EPHA3: variants seen among roughly 807,000 people sequenced by gnomAD.
EPHA3 encodes ephrin type-A receptor 3.
In EPHA3, 42 loss-of-function variants were observed where a neutral mutation model predicts 107.1. The ratio of observed to expected loss-of-function variants is 0.39; its 90% CI spans 0.31 to 0.51. The LOEUF is 0.51. Among genes scored for constraint, EPHA3 ranks in the 20% least tolerant of loss-of-function variants. The probability of loss-of-function intolerance (pLI) is 0.78; values close to 1 mark genes in which losing one functional copy is unlikely to be tolerated. For missense variants in EPHA3, 1,183 were observed against 1,211.2 expected (o/e 0.98, Z 0.35); for synonymous variants, 461 against 424.8 (o/e 1.09, Z -1.05).
Position 89,209,969 on chromosome 3 carries a change from C to T in EPHA3, c.263C>T (p.Pro88Leu), listed in dbSNP as rs1244334822. Reference protein sequence around the residue: ...QNNWLRTNWVPRNSAQKIYVE... With the variant: ...QNNWLRTNWVLRNSAQKIYVE... ...AATTGGCTGAGAACAAACTGGGTCC[C>T]CAGGAACTCAGCTCAGAAGATTTAT... Residue 88 changes from proline (P) to leucine (L), a missense_variant, in exon 3 of 17, where the codon CCC (proline) becomes CTC (leucine). Physicochemically the swap from Pro to Leu is moderately conservative, Grantham distance 98. Transcript: ENST00000336596. The T allele has an allele frequency of 2.5e-6, 4 of 1,613,888 alleles. No homozygotes were observed. The highest frequency in any genetic ancestry group is 3.4e-6 in the Non-Finnish European group (4 of 1,179,916).
chr3:89,380,818 G>A (rs1163790122), intron 5 of EPHA3, among the ~76,000 whole-genome samples: 1 of 151,394 alleles, frequency 6.6e-6, no homozygotes, highest in Non-Finnish European at 1.5e-5. Flanking sequence ...GCCCAAGCTG[G>A]GGGGCAGTGG....
intron 3 of EPHA3, among the ~76,000 whole-genome samples, chr3:89,225,074 T>C (rs973714151): frequency 5.9e-5 from 9 of 152,114 alleles, no homozygotes; most frequent in Non-Finnish European, 8.8e-5. Flanking sequence ...TTGGAAATTA[T>C]CAAGTTATTT....
At chr3:89,281,436 C>T (rs1281799218) in intron 3 of EPHA3, among the ~76,000 whole-genome samples, 1 of 152,078 alleles carries the variant, frequency 6.6e-6, no homozygotes, top group Non-Finnish European at 1.5e-5. Context: ...GAATGCAGCT[C>T]CCTTTGAAAT....
rs532910912 is a variant in EPHA3, at chr3:89,131,654, A to C, written c.153+4381A>C. ...CTTAATTAAAGAAACTCCAATAAGA[A>C]GAGAGTGAGGACTGGCAGGGTTCAG... On this transcript the variant is annotated intron_variant, in intron 2 of 16. Coordinates refer to ENST00000336596, the MANE Select transcript of EPHA3 (RefSeq NM_005233.6). 3.3e-5 allele frequency among the ~76,000 whole-genome samples: 5 copies of C among 152,348 alleles called. No individual in the cohort carries two copies. The South Asian group carries it at 1.0e-3, about 32-fold the overall frequency.
intron 2 of EPHA3, among the ~76,000 whole-genome samples, chr3:89,187,636 G>A (rs1705601316): frequency 1.3e-5 from 2 of 151,942 alleles, no homozygotes; most frequent in Admixed American, 1.3e-4. Flanking sequence ...TGTTTTAAAA[G>A]ACTATATGTT....
intron 3 of EPHA3, among the ~76,000 whole-genome samples, chr3:89,220,225 G>T (rs1018456530): frequency 5.9e-5 from 9 of 152,130 alleles, no homozygotes; most frequent in African/African-American, 1.2e-4. Flanking sequence ...AAGGCTAAAG[G>T]TTCGAATTAT....
At chr3:89,407,996 A>G (rs773511309) in intron 8 of EPHA3, 71 bp from the exon 9 acceptor site, 6 of 1,374,720 alleles carry the variant, frequency 4.4e-6, no homozygotes, top group Non-Finnish European at 6.1e-6. Flanking sequence ...TATGCTTTGC[A>G]CATTCTGAGC....
intron 1 of EPHA3, among the ~76,000 whole-genome samples, chr3:89,121,849 T>C (rs1179347804): frequency 6.6e-6 from 1 of 152,034 alleles, no homozygotes; most frequent in Non-Finnish European, 1.5e-5. Flanking sequence ...ACAAGCATGG[T>C]AGATAAAAGT....
At chr3:89,191,359 T>A (rs1705712680) in intron 2 of EPHA3, among the ~76,000 whole-genome samples, 1 of 152,024 alleles carries the variant, frequency 6.6e-6, no homozygotes, top group African/African-American at 2.4e-5. Flanking sequence ...CAGGCTGGAG[T>A]GCTGTGGCAC....
chr3:89,215,875 C>T lies in EPHA3; in HGVS notation c.814+5355C>T, dbSNP rs544700951. Among the ~76,000 whole-genome samples, 58 of 151,956 alleles carry T rather than the reference C, an allele frequency of 3.8e-4. No homozygotes were observed. The South Asian group carries it at 0.011, about 29-fold the overall frequency. On this transcript the variant is annotated intron_variant, in intron 3 of 16. Coordinates refer to ENST00000336596, the MANE Select transcript of EPHA3 (RefSeq NM_005233.6). ...GGCATTTCACTCTACTTAATCCCAA[C>T]CTAAAAGATGATTTTATAGGTCATT...
At chr3:89,263,426 G>C (rs972915434) in intron 3 of EPHA3, among the ~76,000 whole-genome samples, 2 of 152,152 alleles carry the variant, frequency 1.3e-5, no homozygotes, top group African/African-American at 4.8e-5. Flanking sequence ...CCAAGCTCTT[G>C]TACAGCATCC....
intron 3 of EPHA3, among the ~76,000 whole-genome samples, chr3:89,223,737 C>T (rs182537640): frequency 2.6e-5 from 4 of 151,950 alleles, no homozygotes; most frequent in African/African-American, 9.7e-5. Flanking sequence ...ATTATAATAC[C>T]TTATATGTGT....
chr3:89,408,101 G>GA lies in EPHA3; in HGVS notation c.1738dup (p.Arg580LysfsTer19), dbSNP rs1653054605. 6.2e-7 allele frequency: 1 copy of GA among 1,612,680 alleles called. No individual in the cohort carries two copies. Among genetic ancestry groups the GA allele is most frequent in the Non-Finnish European group, 8.5e-7 (1 of 1,179,148 alleles). On this transcript the variant is annotated frameshift_variant, in exon 9 of 17. Coordinates refer to ENST00000336596, the MANE Select transcript of EPHA3 (RefSeq NM_005233.6). LOFTEE classifies it high-confidence loss of function. Reference sequence around the variant, plus strand: ...CTATAAGTCAAAACATGGGGCAGATGAAAAAAGACTTCATTTTGGCAATGG... The same window carrying GA: ...CTATAAGTCAAAACATGGGGCAGATGAAAAAAAGACTTCATTTTGGCAATGG...
intron 2 of EPHA3, among the ~76,000 whole-genome samples, chr3:89,165,483 C>T (rs934299817): frequency 6.6e-6 from 1 of 152,188 alleles, no homozygotes; most frequent in Non-Finnish European, 1.5e-5. Context: ...ATAGAACAGA[C>T]CATCTCTTAA....
At chr3:89,353,234 C>T (rs1707869543) in intron 5 of EPHA3, among the ~76,000 whole-genome samples, 1 of 151,226 alleles carries the variant, frequency 6.6e-6, no homozygotes, top group Non-Finnish European at 1.5e-5. Flanking sequence ...TAATTATACT[C>T]CTTGGAAGTA....
intron 2 of EPHA3, among the ~76,000 whole-genome samples, chr3:89,179,899 T>C (rs1216080182): frequency 6.6e-6 from 1 of 151,700 alleles, no homozygotes; most frequent in East Asian, 1.9e-4. Context: ...TGTCACAGCA[T>C]GAAATCAGTG....
intron 3 of EPHA3, among the ~76,000 whole-genome samples, chr3:89,293,740 C>T (rs767648163): frequency 6.6e-5 from 10 of 152,082 alleles, no homozygotes; most frequent in Non-Finnish European, 1.0e-4. Flanking sequence ...TCTACTGCCA[C>T]GATTGTAAGT....
chr3:89,143,649 C>G (rs574563093), intron 2 of EPHA3, among the ~76,000 whole-genome samples: 25 of 151,530 alleles, frequency 1.6e-4, no homozygotes, highest in Non-Finnish European at 2.7e-4. Flanking sequence ...AGTTGCCATT[C>G]TCTCCACCTA....
chr3:89,431,330 G>C lies in EPHA3; in HGVS notation c.2317G>C (p.Asp773His), dbSNP rs769645193. The C allele has an allele frequency of 1.2e-6, 2 of 1,613,582 alleles. No individual in the cohort carries two copies. Among genetic ancestry groups the C allele is most frequent in the Non-Finnish European group, 1.7e-6 (2 of 1,179,886 alleles). Residue 773 changes from aspartate (D) to histidine (H), a missense_variant, in exon 13 of 17, where the codon GAT becomes CAT. Coordinates refer to ENST00000336596, the MANE Select transcript of EPHA3 (RefSeq NM_005233.6). ...TTTCGGACTTTCGCGTGTCCTGGAG[G>C]ATGACCCAGAAGCTGCTTATACAAC... is the stretch of plus-strand genomic sequence containing the variant. ...SDFGLSRVLE[D>H]DPEAAYTTRG...
Sources: gnomAD v4.1 joint callset for allele counts (sites outside exome capture counted in the v4.1 genomes callset) on GRCh38, gnomAD v4.1.1 for gene constraint, MANE v1.5 for transcripts, NCBI Gene and HGNC (gene_info 2026-07-23, HGNC 2026-07-21) for gene names.